Variants in LSP1 observed in about 807,000 individuals in gnomAD.
LSP1 encodes the protein lymphocyte-specific protein 1.
Under a neutral mutation model 49.3 loss-of-function variants are expected in LSP1, and 32 were observed. That is an observed-to-expected ratio of 0.65 (90% CI 0.49 to 0.87). LSP1 has a LOEUF of 0.87. Among genes scored for constraint, LSP1 ranks in the 40% least tolerant of loss-of-function variants. LSP1 has a pLI of 0.00. For synonymous variants in LSP1, 179 were observed against 178.8 expected, an observed-to-expected ratio of 1.00 and a Z score of -0.01; for missense variants, 428 against 442.6, an observed-to-expected ratio of 0.97 and a Z score of 0.30.
chr11:1,872,049 TAGTCACCCTGGTGCAC>T (rs1848041254), intron 1 of LSP1, among the ~76,000 whole-genome samples: 2 of 125,314 alleles, frequency 1.6e-5, no homozygotes, highest in Admixed American at 8.1e-5. Context: ...GCCTGGGCTA[TAGTCACCCTGGTGCAC>T]GCTGGTAGAG....
chr11:1,871,208 G>T lies in LSP1; in HGVS notation c.54-8879G>T, dbSNP rs563577332. 5.1e-6 allele frequency: 5 copies of T among 986,320 alleles called. No homozygotes were observed. The African/African-American group carries it at 8.7e-5, about 17-fold the overall frequency. 61.1% of individuals were successfully genotyped at this position (986,320 alleles called of 1,614,324 possible). On this transcript the variant is annotated intron_variant, in intron 1 of 10. Transcript: ENST00000311604. ...ATGCACAGCACGCAGAACAGGAGGAGGGGGGAAGAAAGAGCAGGCACGGGG... is the reference window on the plus strand; with the variant it reads ...ATGCACAGCACGCAGAACAGGAGGATGGGGGAAGAAAGAGCAGGCACGGGG...
chr11:1,857,567 C>A (rs1403591266), intron 1 of LSP1, among the ~76,000 whole-genome samples: 1 of 152,206 alleles, frequency 6.6e-6, no homozygotes. Context: ...TGAGATCCCA[C>A]TGCTGGGGCG....
At chr11:1,868,492 C>A (rs958046451) in intron 1 of LSP1, among the ~76,000 whole-genome samples, 2 of 152,324 alleles carry the variant, frequency 1.3e-5, no homozygotes, top group African/African-American at 4.8e-5. Context: ...GCAGCCTGGT[C>A]CAGGGACCTC....
At chr11:1,877,441 T>G (rs1274523355) in intron 1 of LSP1, among the ~76,000 whole-genome samples, 1 of 151,916 alleles carries the variant, frequency 6.6e-6, no homozygotes, top group Non-Finnish European at 1.5e-5. Context: ...CCCTACTCTG[T>G]CCCCCAGGCC....
intron 1 of LSP1, among the ~76,000 whole-genome samples, chr11:1,867,481 C>T (rs186247012): frequency 4.6e-5 from 7 of 152,260 alleles, no homozygotes; most frequent in African/African-American, 7.2e-5. Context: ...GCCAGGCAGA[C>T]TGCCCCCTAC....
intron 1 of LSP1, among the ~76,000 whole-genome samples, chr11:1,862,346 C>T (rs1424737247): frequency 6.6e-6 from 1 of 152,226 alleles, no homozygotes; most frequent in Non-Finnish European, 1.5e-5. Flanking sequence ...TTGTCACTTC[C>T]CATCCATCAG....
At chr11:1,857,966 G>C (rs1046283581) in intron 1 of LSP1, among the ~76,000 whole-genome samples, 1 of 152,134 alleles carries the variant, frequency 6.6e-6, no homozygotes. Context: ...ATGTTGGCCA[G>C]GCTGGTCTTG....
chr11:1,872,612 C>T (rs1181272946), intron 1 of LSP1, among the ~76,000 whole-genome samples: 19 of 107,994 alleles, frequency 1.8e-4, no homozygotes, highest in Admixed American at 1.1e-3. Context: ...GCCTGGGCTG[C>T]AGTCACCCCG....
At chr11:1,865,382 G>A (rs968036545) in intron 1 of LSP1, 49 of 290,944 alleles carry the variant, frequency 1.7e-4, no homozygotes, top group Admixed American at 6.5e-4. Context: ...TGCCCCAAGC[G>A]TGGGCAGCGA....
At chr11:1,883,813 T>G in intron 4 of LSP1, 119 bp from the exon 5 acceptor site, 1 of 1,038,436 alleles carries the variant, frequency 9.6e-7, no homozygotes, top group South Asian at 1.5e-5. Flanking sequence ...CTGGAGCACG[T>G]CAGGGCCACA....
Position 1,887,544 on chromosome 11 carries a change from A to T in LSP1, c.1001A>T (p.Glu334Val), listed in dbSNP as rs147310705. ...GGGAAGTATGAGAAGGTGCTTGTGG[A>T]AGGGGGCCCGGCTCCCTAGGCGTCC... ...GHGKYEKVLV[E>V]GGPAP Residue 334 changes from glutamate to valine, a missense_variant, in exon 10 of 11, where the codon GAA becomes GTA. By Grantham distance (121) the Glu-to-Val change is moderately radical. Coordinates refer to ENST00000311604, the MANE Select transcript of LSP1 (RefSeq NM_002339.3). The T allele has an allele frequency of 2.5e-6, 4 of 1,613,364 alleles. No homozygotes were observed. In the African/African-American group the frequency reaches 5.4e-5, roughly 22 times the overall value.
At chr11:1,863,059 T>G (rs1847683937) in intron 1 of LSP1, among the ~76,000 whole-genome samples, 1 of 152,156 alleles carries the variant, frequency 6.6e-6, no homozygotes. Flanking sequence ...GGACTGGCCC[T>G]GGGACCCAGT....
At position 1,884,446 on chromosome 11, in the gene LSP1, G is replaced by A; in HGVS notation, c.636-54G>A. ...GGGGCTCTGGGAGAGGCTTGGGCAG[G>A]TTGGGAGAAGCCTTGTGGGAGACAT... On this transcript the variant is annotated intron_variant, in intron 6 of 10. Coordinates refer to ENST00000311604, the MANE Select transcript of LSP1 (RefSeq NM_002339.3). This position sits in a 1 kb window ranked among gnomAD's most constrained non-coding sequence, Gnocchi z 4.1. 6.2e-7 allele frequency: 1 copy of A among 1,603,270 alleles called. No homozygotes were observed. Among genetic ancestry groups the A allele is most frequent in the South Asian group, 1.1e-5 (1 of 90,884 alleles).
In LSP1 at chr11:1,884,324, G is replaced by C; in HGVS notation, c.635+1G>C. The C allele has an allele frequency of 6.2e-7, 1 of 1,612,326 alleles. No homozygotes were observed. The highest frequency in any genetic ancestry group is 8.5e-7 in the Non-Finnish European group (1 of 1,178,694). The stretch of plus-strand genomic sequence containing the variant: ...CCCTAAACCGCTCCATAGAGAAGAG[G>C]TCTGTCTGTCTGTCTGTCTGCTTTC... On this transcript the variant is annotated splice_donor_variant, in intron 6 of 10. Coordinates refer to ENST00000311604, the MANE Select transcript of LSP1 (RefSeq NM_002339.3). LOFTEE classifies it high-confidence loss of function. The surrounding 1 kb of genome is among the most constrained non-coding windows in gnomAD (Gnocchi z 4.1).
chr11:1,891,836 GAC>G lies in LSP1; in HGVS notation c.*80_*81del. The G allele has an allele frequency of 6.6e-6, 1 of 152,538 alleles. No homozygotes were observed. The highest frequency in any genetic ancestry group is 1.5e-5 in the Non-Finnish European group (1 of 68,238). The allele number at this position is 152,538 out of a possible 1,614,324, so 9.4% of individuals were successfully genotyped here. A position where few individuals can be genotyped will look rare whatever the true frequency, so the allele number is the denominator to read the frequency against. On this transcript the variant is annotated 3_prime_UTR_variant, in exon 11 of 11. Transcript: ENST00000311604. Reference sequence around the variant, plus strand: ...ATGTACCCAGGGGAGATTCCAGCCAGACACCCGCCCCCCGGCCCTGGCTAAGA... The same window carrying G: ...ATGTACCCAGGGGAGATTCCAGCCAGACCCGCCCCCCGGCCCTGGCTAAGA...
intron 1 of LSP1, chr11:1,864,358 G>A (rs1847720656): frequency 2.0e-6 from 1 of 497,838 alleles, no homozygotes. Context: ...AGGCGGCGAT[G>A]GGCAGAATAG....
At chr11:1,865,994 T>C (rs1847777726) in intron 1 of LSP1, among the ~76,000 whole-genome samples, 1 of 152,004 alleles carries the variant, frequency 6.6e-6, no homozygotes, top group Non-Finnish European at 1.5e-5. Flanking sequence ...TCTTCCTCTG[T>C]AAAGTAGTGG....
chr11:1,857,818 A>G (rs1171459760), intron 1 of LSP1, among the ~76,000 whole-genome samples: 2 of 152,142 alleles, frequency 1.3e-5, no homozygotes, highest in Non-Finnish European at 2.9e-5. Context: ...GCAGTGACAC[A>G]ATCTCGGCTC....
In LSP1 at chr11:1,883,443, G is replaced by A; in HGVS notation, c.381G>A (p.Lys127=). Residue 127 remains lysine (K), a synonymous_variant, in exon 4 of 11, where the codon AAG becomes AAA. Transcript: ENST00000311604. ...GGCCCGGCCTGCATGCCTACGAAAA[G>A]GAGGACAGTGATGAAGTCCACCTGG... ...EDRPGLHAYE[K]EDSDEVHLEE... is the part of the protein sequence containing the mutation. 1.2e-6 allele frequency: 2 copies of A among 1,614,096 alleles called. No homozygotes were observed. Among genetic ancestry groups the A allele is most frequent in the Non-Finnish European group, 1.7e-6 (2 of 1,180,006 alleles).
Sources: allele counts gnomAD v4.1 joint callset (sites outside exome capture counted in the v4.1 genomes callset), GRCh38; gene constraint gnomAD v4.1.1; non-coding constraint Gnocchi (gnomAD v3.1); transcripts MANE v1.5; gene names NCBI Gene and HGNC (gene_info 2026-07-23, HGNC 2026-07-21).